The following AK3 variants were observed in gnomAD, a reference collection of about 807,000 sequenced individuals.
The protein encoded by AK3 is GTP:AMP phosphotransferase AK3, mitochondrial.
In AK3, 27 loss-of-function variants were observed where a neutral mutation model predicts 23.7. The ratio of observed to expected loss-of-function variants is 1.14; its 90% CI spans 0.84 to 1.57. The LOEUF (loss-of-function observed/expected upper bound fraction) is 1.57. Among genes scored for constraint, AK3 ranks in the 40% most tolerant of loss-of-function variants. The pLI is 0.00. For synonymous variants in AK3, 159 were observed against 116.0 expected, an observed-to-expected ratio of 1.37 and a Z score of -2.38; for missense variants, 406 against 285.6, an observed-to-expected ratio of 1.42 and a Z score of -3.04.
Position 4,719,208 on chromosome 9 carries a change from C to G in AK3, c.371G>C (p.Arg124Pro). The G allele has an allele frequency of 1.2e-6, 2 of 1,611,690 alleles. No individual in the cohort carries two copies. The highest frequency in any genetic ancestry group is 1.7e-6 in the Non-Finnish European group (2 of 1,179,800). ...LNVPFEVIKQ[R>P]LTARWIHPAS... Reference sequence around the variant, plus strand: ...GGGATGAATCCAGCGAGCAGTAAGGCGTTGTTTAATGACCTCAAAGGGCAC... The same window carrying G: ...GGGATGAATCCAGCGAGCAGTAAGGGGTTGTTTAATGACCTCAAAGGGCAC... Residue 124 changes from arginine (R) to proline (P), a missense_variant, in exon 3 of 5, where the codon CGC (arginine) becomes CCC (proline). By Grantham distance (103) the Arg-to-Pro change is moderately radical. Coordinates refer to ENST00000381809, the MANE Select transcript of AK3 (RefSeq NM_016282.4).
In AK3 at chr9:4,713,006, TTGTGG is replaced by T; in HGVS notation, c.649_653del (p.Pro217LysfsTer18). On this transcript the variant is annotated frameshift_variant, in exon 5 of 5. Transcript: ENST00000381809. LOFTEE classifies it high-confidence loss of function. ...GAGTAACTGAAGCTTTCTGGCTTCT[TTGTGG>T]AACTTTAGTTTGTAGGAAAGCATAT... The T allele has an allele frequency of 6.2e-7, 1 of 1,613,748 alleles. No homozygotes were observed. The highest frequency in any genetic ancestry group is 8.5e-7 in the Non-Finnish European group (1 of 1,179,750).
intron 1 of AK3, among the ~76,000 whole-genome samples, chr9:4,729,017 T>A (rs434892): frequency 0.095 from 11,579 of 121,866 alleles, 684 homozygotes; most frequent in Middle Eastern, 0.15. Flanking sequence ...ATATATATAT[T>A]TTTTTTTTTT....
chr9:4,740,843 C>T (rs1342895786), intron 1 of AK3, 94 bp downstream of exon 1: 1 of 1,322,638 alleles, frequency 7.6e-7, no homozygotes, highest in African/African-American at 1.5e-5. Context: ...GCCGCGCCCG[C>T]AGCCAGGGAC....
chr9:4,726,896 G>C (rs1209281823), intron 1 of AK3, among the ~76,000 whole-genome samples: 3 of 151,892 alleles, frequency 2.0e-5, no homozygotes, highest in Non-Finnish European at 4.4e-5. Context: ...TTGATGCGTG[G>C]GCTACAGAAT....
intron 1 of AK3, among the ~76,000 whole-genome samples, chr9:4,740,135 C>G (rs7029401): frequency 0.028 from 4,212 of 149,146 alleles, 215 homozygotes; most frequent in African/African-American, 0.099. Flanking sequence ...AAATGGGTTT[C>G]AAAATGAGTT....
At chr9:4,735,912 C>G (rs1225831384) in intron 1 of AK3, among the ~76,000 whole-genome samples, 4 of 151,686 alleles carry the variant, frequency 2.6e-5, no homozygotes, top group Non-Finnish European at 4.4e-5. Context: ...GTAGGAAGTT[C>G]GAGACCAGCC....
Position 4,710,155 on chromosome 9 carries a change from G to A in AK3, c.*2821C>T, listed in dbSNP as rs1375461088. ...CCCACAGTACACGCTGCTTACAAAA[G>A]GTATAGCAAAATAACTTTTACTCTA... On this transcript the variant is annotated 3_prime_UTR_variant, in exon 5 of 5. Coordinates refer to ENST00000381809, the MANE Select transcript of AK3 (RefSeq NM_016282.4). 1 of 152,060 alleles carries A rather than the reference G, an allele frequency of 6.6e-6. No individual in the cohort carries two copies. The highest frequency in any genetic ancestry group is 1.5e-5 in the Non-Finnish European group (1 of 68,014). The allele number at this position is 152,060 out of a possible 1,614,324, so 9.4% of individuals were successfully genotyped here. A position where few individuals can be genotyped will look rare whatever the true frequency, so the allele number is the denominator to read the frequency against.
At chr9:4,739,161 T>C (rs1176695682) in intron 1 of AK3, among the ~76,000 whole-genome samples, 1 of 152,094 alleles carries the variant, frequency 6.6e-6, no homozygotes, top group Non-Finnish European at 1.5e-5. Flanking sequence ...GTATGTCGCA[T>C]TAACAACATT....
chr9:4,720,849 A>G (rs915855281), intron 2 of AK3, among the ~76,000 whole-genome samples: 18 of 152,298 alleles, frequency 1.2e-4, no homozygotes, highest in African/African-American at 4.3e-4. Flanking sequence ...GATAACGACT[A>G]AAACTATACC....
upstream of AK3, chr9:4,741,905 C>CAG: frequency 6.6e-6 from 1 of 151,280 alleles, no homozygotes; most frequent in East Asian, 2.0e-4. Flanking sequence ...TGCTGCCGAG[C>CAG]GCCCTCTCTT....
chr9:4,734,311 T>C (rs1842220004), intron 1 of AK3, among the ~76,000 whole-genome samples: 1 of 119,552 alleles, frequency 8.4e-6, no homozygotes, highest in African/African-American at 3.3e-5. Flanking sequence ...TCCAGAACTA[T>C]AAGAAAATAA....
intron 1 of AK3, among the ~76,000 whole-genome samples, chr9:4,734,836 G>C (rs1842232663): frequency 6.6e-6 from 1 of 152,136 alleles, no homozygotes; most frequent in Non-Finnish European, 1.5e-5. Flanking sequence ...GAATGAAGTA[G>C]TAAACATGCT....
In AK3 at chr9:4,735,377, A is replaced by ACC. The variant is rs1436313084; in HGVS notation, c.151+5559_151+5560insGG. On this transcript the variant is annotated intron_variant, in intron 1 of 4. Transcript: ENST00000381809. ...AATATATATATACATATATAAATATATATACATATATAAATATATATACAT... is the reference window on the plus strand; with the variant it reads ...AATATATATATACATATATAAATATACCTATACATATATAAATATATATACAT... 4.4e-4 allele frequency among the ~76,000 whole-genome samples: 53 copies of ACC among 120,180 alleles called. 11 individuals are homozygous for ACC. The highest frequency in any genetic ancestry group is 1.1e-3 in the African/African-American group (34 of 31,538). 78.8% of individuals were successfully genotyped at this position (120,180 alleles called of 152,430 possible). A position where few individuals can be genotyped will look rare whatever the true frequency, so the allele number is the denominator to read the frequency against.
At chr9:4,720,603 TTG>T in intron 2 of AK3, among the ~76,000 whole-genome samples, 1 of 151,252 alleles carries the variant, frequency 6.6e-6, no homozygotes, top group Non-Finnish European at 1.5e-5. Flanking sequence ...GGCAGGAGGA[TTG>T]CCTGAGCTCA....
intron 2 of AK3, among the ~76,000 whole-genome samples, chr9:4,721,389 C>G (rs1043015619): frequency 6.7e-6 from 1 of 148,710 alleles, no homozygotes; most frequent in Non-Finnish European, 1.5e-5. Flanking sequence ...GGCAACAGAG[C>G]CAGACACTGT....
At chr9:4,740,674 T>C (rs571270965) in intron 1 of AK3, among the ~76,000 whole-genome samples, 2 of 151,910 alleles carry the variant, frequency 1.3e-5, no homozygotes, top group South Asian at 2.1e-4. Flanking sequence ...AGCCCGGTGG[T>C]TTCCTTTCAT....
chr9:4,722,655 A>T, intron 1 of AK3, 30 bp from the exon 2 acceptor site: 1 of 1,614,026 alleles, frequency 6.2e-7, no homozygotes, highest in Non-Finnish European at 8.5e-7. Flanking sequence ...AAAATCAGTA[A>T]GTGCATTTGT....
intron 1 of AK3, among the ~76,000 whole-genome samples, chr9:4,725,647 G>A (rs1258916332): frequency 2.0e-5 from 3 of 152,208 alleles, no homozygotes; most frequent in African/African-American, 7.2e-5. Flanking sequence ...ACAATGCATA[G>A]CATGGGATGG....
In AK3 at chr9:4,738,137, G is replaced by C. The variant is rs77617878; in HGVS notation, c.151+2800C>G. On this transcript the variant is annotated intron_variant, in intron 1 of 4. Coordinates refer to ENST00000381809, the MANE Select transcript of AK3 (RefSeq NM_016282.4). Reference sequence around the variant, plus strand: ...AACAACATACGCGTCCAATAAAAATGTTTAATAACTATACAACTTTGATAA... The same window carrying C: ...AACAACATACGCGTCCAATAAAAATCTTTAATAACTATACAACTTTGATAA... 3.1e-3 allele frequency among the ~76,000 whole-genome samples: 469 copies of C among 152,242 alleles called. 1 individual carries two copies. Among genetic ancestry groups the C allele is most frequent in the African/African-American group, 0.011 (447 of 41,544 alleles).
Sources: allele counts gnomAD v4.1 joint callset (sites outside exome capture counted in the v4.1 genomes callset), GRCh38; gene constraint gnomAD v4.1.1; transcripts MANE v1.5; gene names NCBI Gene and HGNC (gene_info 2026-07-23, HGNC 2026-07-21).